BRD7: variants seen among roughly 807,000 people sequenced by gnomAD.
BRD7 encodes the protein bromodomain-containing protein 7.
A neutral mutation model predicts 82.1 loss-of-function variants in BRD7; 15 were observed. The observed-to-expected ratio is 0.18, with a 90% CI of 0.12 to 0.28. BRD7 has a LOEUF of 0.28. Among genes scored for constraint, BRD7 ranks in the 10% least tolerant of loss-of-function variants. The pLI is 1.00. For synonymous variants in BRD7, 232 were observed against 266.9 expected, an observed-to-expected ratio of 0.87 and a Z score of 1.27; for missense variants, 638 against 779.9, an observed-to-expected ratio of 0.82 and a Z score of 2.17.
chr16:50,338,346 G>GC (rs746384141), intron 6 of BRD7, among the ~76,000 whole-genome samples: 38 of 152,124 alleles, frequency 2.5e-4, no homozygotes, highest in Non-Finnish European at 5.0e-4. Flanking sequence ...TATTAGGAGC[G>GC]CAAGAATAAT....
chr16:50,368,385 CGCA>C (rs1226401910), intron 1 of BRD7, 87 bp from the exon 2 acceptor site: 6 of 1,399,204 alleles, frequency 4.3e-6, no homozygotes, highest in Middle Eastern at 2.1e-4. Context: ...AGCGCCAAGG[CGCA>C]GCAAGCCCGA....
At chr16:50,340,801 A>G (rs1030176063) in intron 5 of BRD7, among the ~76,000 whole-genome samples, 2 of 152,186 alleles carry the variant, frequency 1.3e-5, no homozygotes, top group African/African-American at 4.8e-5. Flanking sequence ...GTGCTGGAGA[A>G]CTTGACCCCA....
intron 8 of BRD7, among the ~76,000 whole-genome samples, chr16:50,331,298 T>C (rs1314137521): frequency 1.3e-5 from 2 of 152,220 alleles, no homozygotes; most frequent in African/African-American, 4.8e-5. Flanking sequence ...TCTTCACAGA[T>C]TCAGAAAAAA....
chr16:50,362,195 T>C (rs1360571480), intron 2 of BRD7, among the ~76,000 whole-genome samples: 1 of 152,216 alleles, frequency 6.6e-6, no homozygotes, highest in Non-Finnish European at 1.5e-5. Context: ...CCCAGCTCCA[T>C]GTACTCTCAG....
At position 50,368,212 on chromosome 16, in the gene BRD7, A is replaced by G. The variant is rs201842421; in HGVS notation, c.136T>C (p.Ser46Pro). Residue 46 changes from serine to proline, a missense_variant, in exon 2 of 17, where the codon TCC (serine) becomes CCC (proline). Coordinates refer to ENST00000394688, the MANE Select transcript of BRD7 (RefSeq NM_013263.5). ...ELSTGSSGHD[S>P]SLFEDKNDHD... ...TCGTTTTTGTCTTCGAAGAGGCTGG[A>G]GTCGTGCCCCGAGCTGCCCGTGGAG... The G allele has an allele frequency of 1.9e-4, 312 of 1,614,140 alleles. 1 individual carries two copies. The highest frequency in any genetic ancestry group is 4.0e-4 in the South Asian group (36 of 91,080).
intron 5 of BRD7, 113 bp downstream of exon 5, chr16:50,349,910 G>A: frequency 9.5e-7 from 1 of 1,047,996 alleles, no homozygotes; most frequent in African/African-American, 1.7e-5. Context: ...AAAGATACTG[G>A]ATCTTAAAAT....
At chr16:50,342,553 T>C (rs534134521) in intron 5 of BRD7, among the ~76,000 whole-genome samples, 2 of 143,480 alleles carry the variant, frequency 1.4e-5, no homozygotes, top group South Asian at 4.7e-4. Context: ...CCCGAGTAGC[T>C]GGGACTACAG....
chr16:50,357,916 G>C (rs935512109), intron 2 of BRD7, among the ~76,000 whole-genome samples: 1 of 152,142 alleles, frequency 6.6e-6, no homozygotes, highest in Admixed American at 6.5e-5. Context: ...GTAGGTAGAG[G>C]TTGCAGTGAG....
rs148685045 is a variant in BRD7, at chr16:50,354,681, T to G, written c.388+112A>C. The G allele has an allele frequency of 1.3e-3, 1,822 of 1,430,188 alleles. 28 individuals carry two copies. In the African/African-American group the frequency reaches 0.022, roughly 17 times the overall value. 88.6% of individuals were successfully genotyped at this position (1,430,188 alleles called of 1,614,324 possible). A position where few individuals can be genotyped will look rare whatever the true frequency, so the allele number is the denominator to read the frequency against. ...TCTTATGCAGTTTGAGAGAAAAAAC[T>G]TAAAAATTCAATCACAAAGCTCCAA... On this transcript the variant is annotated intron_variant, in intron 3 of 16. Coordinates refer to ENST00000394688, the MANE Select transcript of BRD7 (RefSeq NM_013263.5).
intron 5 of BRD7, among the ~76,000 whole-genome samples, chr16:50,345,648 A>G (rs1455582400): frequency 8.6e-5 from 13 of 151,702 alleles, no homozygotes; most frequent in African/African-American, 3.2e-4. Flanking sequence ...ACTTTAAACC[A>G]ACAAAGATCA....
intron 4 of BRD7, among the ~76,000 whole-genome samples, chr16:50,352,281 C>T (rs1213390761): frequency 6.6e-6 from 1 of 152,226 alleles, no homozygotes; most frequent in Non-Finnish European, 1.5e-5. Context: ...CACTTATGAA[C>T]TACAAAAGGA....
At chr16:50,349,315 C>T (rs1014423645) in intron 5 of BRD7, 11 of 308,556 alleles carry the variant, frequency 3.6e-5, no homozygotes, top group Non-Finnish European at 5.6e-5. Flanking sequence ...TTAATGGGTT[C>T]AGCGCACCAA....
At chr16:50,340,272 GTATTTAAATATGCTA>G (rs1279849953) in intron 5 of BRD7, among the ~76,000 whole-genome samples, 186 bp from the exon 6 acceptor site, 1 of 152,086 alleles carries the variant, frequency 6.6e-6, no homozygotes, top group Non-Finnish European at 1.5e-5. Context: ...ACTGCTAAAT[GTATTTAAATATGCTA>G]TATTATTTCC....
intron 2 of BRD7, among the ~76,000 whole-genome samples, chr16:50,362,110 T>A (rs1245196373): frequency 6.6e-6 from 1 of 152,218 alleles, no homozygotes; most frequent in Non-Finnish European, 1.5e-5. Flanking sequence ...GAACATATAG[T>A]GTTACATCAC....
At chr16:50,357,446 T>C (rs572395809) in intron 2 of BRD7, among the ~76,000 whole-genome samples, 1 of 152,364 alleles carries the variant, frequency 6.6e-6, no homozygotes, top group South Asian at 2.1e-4. Flanking sequence ...GCAGTAATTC[T>C]TAACTTTGGA....
intron 1 of BRD7, 41 bp downstream of exon 1, chr16:50,368,685 C>A (rs571419041): frequency 3.9e-6 from 6 of 1,543,942 alleles, no homozygotes; most frequent in South Asian, 1.2e-5. Context: ...CCCGGCAGAG[C>A]CGCCGAGGGC....
At chr16:50,329,111 C>G (rs1442901795) in intron 8 of BRD7, among the ~76,000 whole-genome samples, 1 of 152,158 alleles carries the variant, frequency 6.6e-6, no homozygotes, top group Admixed American at 6.5e-5. Flanking sequence ...GTACCATATT[C>G]ATATATGCAG....
intron 6 of BRD7, among the ~76,000 whole-genome samples, chr16:50,336,308 A>G (rs2037795772): frequency 1.3e-5 from 2 of 152,134 alleles, no homozygotes; most frequent in Non-Finnish European, 1.5e-5. Flanking sequence ...ATAAACTCTT[A>G]GAAAGGAAAC....
At chr16:50,319,850 T>G in intron 16 of BRD7, 37 bp downstream of exon 16, 1 of 1,602,502 alleles carries the variant, frequency 6.2e-7, no homozygotes, top group South Asian at 1.1e-5. Context: ...ATAGTCACCA[T>G]AGCTTTCTGC....
Sources: allele counts gnomAD v4.1 joint callset (sites outside exome capture counted in the v4.1 genomes callset), GRCh38; gene constraint gnomAD v4.1.1; transcripts MANE v1.5; gene names NCBI Gene and HGNC (gene_info 2026-07-23, HGNC 2026-07-21).